Variants in GABRG3 observed in about 807,000 individuals in gnomAD.
The protein encoded by GABRG3 is gamma-aminobutyric acid type A receptor subunit gamma3, also known as gamma-aminobutyric acid receptor subunit gamma-3.
A neutral mutation model predicts 48.8 loss-of-function variants in GABRG3; 25 were observed. That is an observed-to-expected ratio of 0.51 (90% CI 0.37 to 0.72). The LOEUF is 0.72. Ranked by LOEUF, GABRG3 falls within the 30% of genes least tolerant of loss-of-function variation. The pLI is 0.00. For missense variants in GABRG3, 394 were observed against 577.9 expected (o/e 0.68, Z 3.26); for synonymous variants, 227 against 217.6 (o/e 1.04, Z -0.38).
At chr15:27,377,348 C>T (rs537119817) in intron 5 of GABRG3, among the ~76,000 whole-genome samples, 6 of 152,256 alleles carry the variant, frequency 3.9e-5, no homozygotes, top group Middle Eastern at 3.4e-3. Flanking sequence ...TCCACGTTTT[C>T]GGGTATCTTT....
intron 3 of GABRG3, among the ~76,000 whole-genome samples, chr15:27,197,142 T>C (rs553106237): frequency 8.3e-4 from 126 of 152,314 alleles, no homozygotes; most frequent in African/African-American, 2.6e-3. Context: ...TTTTTTTTAT[T>C]TAATCATGGG....
chr15:27,088,907 G>A (rs1325848312), intron 3 of GABRG3, among the ~76,000 whole-genome samples: 1 of 152,088 alleles, frequency 6.6e-6, no homozygotes, highest in East Asian at 1.9e-4. Context: ...GATGCATGGG[G>A]AGGATCACAG....
At chr15:27,165,672 A>G (rs1249960626) in intron 3 of GABRG3, among the ~76,000 whole-genome samples, 4 of 151,942 alleles carry the variant, frequency 2.6e-5, no homozygotes, top group Non-Finnish European at 2.9e-5. Context: ...TTCCTCACAC[A>G]ATAATTTAAG....
At chr15:27,357,779 GATAATGATGC>G (rs1481127923) in intron 5 of GABRG3, among the ~76,000 whole-genome samples, 1 of 152,174 alleles carries the variant, frequency 6.6e-6, no homozygotes, top group Admixed American at 6.5e-5. Context: ...AGACTTTTCA[GATAATGATGC>G]ATACTCTTCC....
At chr15:27,416,425 T>C (rs1887941564) in intron 5 of GABRG3, among the ~76,000 whole-genome samples, 1 of 152,154 alleles carries the variant, frequency 6.6e-6, no homozygotes, top group African/African-American at 2.4e-5. Flanking sequence ...GGTTAGGCTG[T>C]GTTTGAACAG....
intron 5 of GABRG3, among the ~76,000 whole-genome samples, chr15:27,440,037 C>T (rs974619807): frequency 6.6e-6 from 1 of 152,176 alleles, no homozygotes; most frequent in Non-Finnish European, 1.5e-5. Flanking sequence ...GTGTCTCCCT[C>T]TGCCCGTCCC....
chr15:27,362,334 T>C (rs974897618), intron 5 of GABRG3: 3 of 152,202 alleles, frequency 2.0e-5, no homozygotes, highest in African/African-American at 7.2e-5. Context: ...ATCCAGATGG[T>C]AGGTTCAACC....
rs147106529 is a variant in GABRG3 at position 27,393,473 on chromosome 15, A to T, written c.574+64585A>T. On this transcript the variant is annotated intron_variant, in intron 5 of 9. Transcript: ENST00000615808. Reference sequence around the variant, plus strand: ...CCAAAGCAGGAGAATATATGTGTTTATAATGACCATATACATATACACATA... The same window carrying T: ...CCAAAGCAGGAGAATATATGTGTTTTTAATGACCATATACATATACACATA... Among the ~76,000 whole-genome samples, 231 of 152,300 alleles carry T rather than the reference A, an allele frequency of 1.5e-3. 1 individual carries two copies. The highest frequency in any genetic ancestry group is 5.4e-3 in the African/African-American group (225 of 41,558).
chr15:27,483,350 G>A (rs2150846026), intron 6 of GABRG3: 1 of 152,330 alleles, frequency 6.6e-6, no homozygotes, highest in East Asian at 1.9e-4. Flanking sequence ...CCCTGGAGGT[G>A]TTGATCCCTG....
At chr15:27,174,699 C>A (rs1295762669) in intron 3 of GABRG3, among the ~76,000 whole-genome samples, 4 of 151,862 alleles carry the variant, frequency 2.6e-5, no homozygotes, top group African/African-American at 9.7e-5. Flanking sequence ...ACCATCATTA[C>A]TCTATATGAT....
At chr15:27,233,802 T>C (rs1294232541) in intron 3 of GABRG3, among the ~76,000 whole-genome samples, 1 of 152,212 alleles carries the variant, frequency 6.6e-6, no homozygotes, top group African/African-American at 2.4e-5. Flanking sequence ...AGGATACCAA[T>C]AGAAAGTAGG....
At chr15:27,452,245 A>G (rs1323222872) in intron 5 of GABRG3, among the ~76,000 whole-genome samples, 1 of 152,144 alleles carries the variant, frequency 6.6e-6, no homozygotes, top group Non-Finnish European at 1.5e-5. Context: ...GTTGGTGAGC[A>G]TGTGAAGAAA....
intron 3 of GABRG3, among the ~76,000 whole-genome samples, chr15:27,176,179 C>T (rs1247231181): frequency 1.3e-5 from 2 of 152,272 alleles, no homozygotes; most frequent in East Asian, 3.9e-4. Context: ...GTGAATTTCT[C>T]AAAGAGCTAG....
At chr15:27,298,666 T>A (rs1386803852) in intron 3 of GABRG3, among the ~76,000 whole-genome samples, 1 of 152,136 alleles carries the variant, frequency 6.6e-6, no homozygotes, top group Non-Finnish European at 1.5e-5. Flanking sequence ...AAGTTTAATT[T>A]TTTTTTTATA....
chr15:27,418,991 T>A (rs1380761925), intron 5 of GABRG3: 3 of 152,232 alleles, frequency 2.0e-5, no homozygotes, highest in African/African-American at 7.2e-5. Flanking sequence ...GAGATGCCTC[T>A]ATCAACAGTA....
intron 3 of GABRG3, among the ~76,000 whole-genome samples, chr15:27,269,490 T>G (rs187550682): frequency 6.6e-6 from 1 of 152,270 alleles, no homozygotes; most frequent in East Asian, 1.9e-4. Flanking sequence ...CAAAGTTGTA[T>G]CCTCTAACCA....
intron 2 of GABRG3, among the ~76,000 whole-genome samples, chr15:26,984,406 C>T (rs552667966): frequency 2.0e-5 from 3 of 152,108 alleles, no homozygotes; most frequent in African/African-American, 7.2e-5. Context: ...GTTCATGTTG[C>T]GTGGAAGTAA....
chr15:27,292,178 A>G (rs187615345), intron 3 of GABRG3, among the ~76,000 whole-genome samples: 82 of 149,832 alleles, frequency 5.5e-4, no homozygotes, highest in African/African-American at 1.7e-3. Flanking sequence ...TTCTTTATCC[A>G]GTCTATCATT....
chr15:27,180,355 A>C lies in GABRG3; in HGVS notation c.271-146454A>C, dbSNP rs1451533733. 6.6e-6 allele frequency among the ~76,000 whole-genome samples: 1 copy of C among 152,182 alleles called. No homozygotes were observed. Among genetic ancestry groups the C allele is most frequent in the Non-Finnish European group, 1.5e-5 (1 of 68,038 alleles). On this transcript the variant is annotated intron_variant, in intron 3 of 9. Coordinates refer to ENST00000615808, the MANE Select transcript of GABRG3 (RefSeq NM_033223.5). This position sits in a 1 kb window ranked among gnomAD's most constrained non-coding sequence, Gnocchi z 4.2. ...AAAATGAGATTGAACAAGAAGAGCAACTGTAGAATTCTTCAGGTTATGACT... is the reference window on the plus strand; with the variant it reads ...AAAATGAGATTGAACAAGAAGAGCACCTGTAGAATTCTTCAGGTTATGACT...
Sources: allele counts gnomAD v4.1 joint callset (sites outside exome capture counted in the v4.1 genomes callset), GRCh38; gene constraint gnomAD v4.1.1; non-coding constraint Gnocchi (gnomAD v3.1); transcripts MANE v1.5; gene names NCBI Gene and HGNC (gene_info 2026-07-23, HGNC 2026-07-21).